Variants in FNDC3B observed in about 807,000 individuals in gnomAD.
The protein encoded by FNDC3B is fibronectin type III domain containing 3B, also known as fibronectin type III domain-containing protein 3B.
FNDC3B carries 12 observed loss-of-function variants against 151.5 expected under a neutral mutation model. That is an observed-to-expected ratio of 0.08 (90% CI 0.05 to 0.13). The LOEUF (loss-of-function observed/expected upper bound fraction) is 0.13, where lower values mean the gene tolerates loss of function less well. FNDC3B is among the 10% of genes least tolerant of loss of function. The probability of loss-of-function intolerance (pLI) is 1.00; values close to 1 mark genes in which losing one functional copy is unlikely to be tolerated. For synonymous variants in FNDC3B, 528 were observed against 549.0 expected, an observed-to-expected ratio of 0.96 and a Z score of 0.54; for missense variants, 1,214 against 1,505.3, an observed-to-expected ratio of 0.81 and a Z score of 3.20.
chr3:172,260,081 A>G (rs1728569859), intron 6 of FNDC3B, among the ~76,000 whole-genome samples: 1 of 152,232 alleles, frequency 6.6e-6, no homozygotes, highest in Non-Finnish European at 1.5e-5. Flanking sequence ...GGAACTGATC[A>G]TGACAGCATT....
At chr3:172,050,733 G>GTGTGTGTGTGTATATA (rs397991660) in intron 1 of FNDC3B, among the ~76,000 whole-genome samples, 4 of 137,932 alleles carry the variant, frequency 2.9e-5, no homozygotes, top group African/African-American at 1.0e-4. Context: ...GTGTGTGTGT[G>GTGTGTGTGTGTATATA]TATAGTGTGT....
At chr3:172,206,185 A>G (rs1725412324) in intron 3 of FNDC3B, among the ~76,000 whole-genome samples, 1 of 152,182 alleles carries the variant, frequency 6.6e-6, no homozygotes, top group Admixed American at 6.5e-5. Context: ...GATGATTTTT[A>G]TAGGAGTAAT....
intron 3 of FNDC3B, among the ~76,000 whole-genome samples, chr3:172,161,976 A>AT (rs35592121): frequency 0.57 from 79,194 of 138,096 alleles, 23,527 homozygotes; most frequent in African/African-American, 0.77. Flanking sequence ...TCTTAGGATA[A>AT]TTTTTTTTTT....
chr3:172,139,745 AC>A (rs1278060425), intron 3 of FNDC3B, among the ~76,000 whole-genome samples: 1 of 150,302 alleles, frequency 6.7e-6, no homozygotes, highest in East Asian at 1.9e-4. Flanking sequence ...TGCCTTGAAA[AC>A]CATTTCTTTT....
intron 10 of FNDC3B, among the ~76,000 whole-genome samples, chr3:172,309,011 A>G (rs1387328722): frequency 1.3e-5 from 2 of 152,226 alleles, no homozygotes; most frequent in Non-Finnish European, 2.9e-5. Context: ...GATGAATTTC[A>G]GGTCTCAGGC....
intron 1 of FNDC3B, among the ~76,000 whole-genome samples, chr3:172,093,109 C>T (rs1718921436): frequency 6.6e-6 from 1 of 152,138 alleles, no homozygotes; most frequent in South Asian, 2.1e-4. Context: ...TGAGCCACTG[C>T]ACCTGGCCAG....
At chr3:172,286,256 T>TC (rs1730013149) in intron 7 of FNDC3B, among the ~76,000 whole-genome samples, 1 of 151,484 alleles carries the variant, frequency 6.6e-6, no homozygotes, top group Non-Finnish European at 1.5e-5. Context: ...TTCTTTTTTT[T>TC]CTCTCTCTTT....
At position 172,344,241 on chromosome 3, in the gene FNDC3B, G is replaced by T; in HGVS notation, c.2233G>T (p.Ala745Ser). 1 of 1,613,856 alleles carries T rather than the reference G, an allele frequency of 6.2e-7. No homozygotes were observed. Among genetic ancestry groups the T allele is most frequent in the South Asian group, 1.1e-5 (1 of 91,064 alleles). ...PGTVYRFRVR[A>S]LNDGGYGPYS... ...AACCGTGTATCGCTTCCGGGTGAGG[G>T]CTCTGAATGATGGAGGGGTGAGTAT... The change falls in exon 19 of 26, where the codon GCT (alanine) becomes TCT (serine). Residue 745 changes from alanine to serine, a missense_variant. Physicochemically the swap from Ala to Ser is moderately conservative, Grantham distance 99. Around this residue, in one of 7 missense-constraint regions of FNDC3B, gnomAD observed 380 missense variants for 420.9 expected, o/e 0.90. Transcript: ENST00000415807.
intron 25 of FNDC3B, among the ~76,000 whole-genome samples, chr3:172,391,097 G>T (rs1735985254): frequency 6.6e-6 from 1 of 152,142 alleles, no homozygotes; most frequent in Non-Finnish European, 1.5e-5. Flanking sequence ...TTTGGAAGTG[G>T]AGTCTCATCT....
rs565130740 is a variant in FNDC3B at position 172,265,923 on chromosome 3, A to T, written c.790+14382A>T. Among the ~76,000 whole-genome samples the T allele has an allele frequency of 3.3e-5, 5 of 152,348 alleles. No individual in the cohort carries two copies. The South Asian group carries it at 1.0e-3, about 32-fold the overall frequency. The stretch of plus-strand genomic sequence containing the variant: ...CAGCATTTCTGAATTATTTTAATGC[A>T]CAAGATGGGAAGAACAATAAGTTAA... On this transcript the variant is annotated intron_variant, in intron 6 of 25. Coordinates refer to ENST00000415807, the MANE Select transcript of FNDC3B (RefSeq NM_022763.4).
At chr3:172,283,065 A>T (rs1050326017) in intron 6 of FNDC3B, among the ~76,000 whole-genome samples, 1 of 152,236 alleles carries the variant, frequency 6.6e-6, no homozygotes, top group Non-Finnish European at 1.5e-5. Flanking sequence ...TGATGCATAG[A>T]TGAGCACGTA....
At chr3:172,286,765 T>C (rs1307776468) in intron 7 of FNDC3B, among the ~76,000 whole-genome samples, 1 of 152,076 alleles carries the variant, frequency 6.6e-6, no homozygotes, top group African/African-American at 2.4e-5. Flanking sequence ...CTTACTCTGG[T>C]GAGGAGCAGG....
chr3:172,354,055 T>C (rs1733976868), intron 22 of FNDC3B, among the ~76,000 whole-genome samples: 1 of 152,140 alleles, frequency 6.6e-6, no homozygotes, highest in Non-Finnish European at 1.5e-5. Context: ...TCATACTTGC[T>C]TTTTCTTTTA....
intron 2 of FNDC3B, among the ~76,000 whole-genome samples, chr3:172,118,757 C>A (rs968355112): frequency 2.6e-5 from 4 of 152,114 alleles, no homozygotes; most frequent in Admixed American, 1.3e-4. Flanking sequence ...TGTGCAAATA[C>A]TTAAATGAAA....
At chr3:172,306,668 C>T (rs1731215352) in intron 9 of FNDC3B, among the ~76,000 whole-genome samples, 1 of 152,176 alleles carries the variant, frequency 6.6e-6, no homozygotes, top group Admixed American at 6.5e-5. Context: ...TATGCTTTTT[C>T]TTCATGGCTT....
chr3:172,091,059 C>G (rs995878134), intron 1 of FNDC3B, among the ~76,000 whole-genome samples: 1 of 152,168 alleles, frequency 6.6e-6, no homozygotes, highest in African/African-American at 2.4e-5. Flanking sequence ...ACCTATATAA[C>G]TACTTTTCAT....
chr3:172,057,475 T>C (rs896458862), intron 1 of FNDC3B, among the ~76,000 whole-genome samples: 2 of 152,178 alleles, frequency 1.3e-5, no homozygotes, highest in African/African-American at 4.8e-5. Flanking sequence ...TAGAGGTACC[T>C]AAACCTCACC....
At chr3:172,289,842 T>A (rs1338654145) in intron 7 of FNDC3B, among the ~76,000 whole-genome samples, 2 of 152,252 alleles carry the variant, frequency 1.3e-5, no homozygotes, top group Non-Finnish European at 2.9e-5. Context: ...TTGCATTGGC[T>A]GTTACCTGTC....
At position 172,191,409 on chromosome 3, in the gene FNDC3B, A is replaced by C. The variant is rs561566928; in HGVS notation, c.188-35462A>C. Among the ~76,000 whole-genome samples, 3 of 152,300 alleles carry C rather than the reference A, an allele frequency of 2.0e-5. No homozygotes were observed. In the South Asian group the frequency reaches 6.2e-4, roughly 32 times the overall value. On this transcript the variant is annotated intron_variant, in intron 3 of 25. Coordinates refer to ENST00000415807, the MANE Select transcript of FNDC3B (RefSeq NM_022763.4). ...TGATACCATCATTATTGTCCTCCTC[A>C]TCATCATTCCCCATTCTAGAGACAG...
Sources: gnomAD v4.1 joint callset for allele counts (sites outside exome capture counted in the v4.1 genomes callset) on GRCh38, gnomAD v4.1.1 for gene constraint, gnomAD v4.1.1 regional missense constraint, MANE v1.5 for transcripts, NCBI Gene and HGNC (gene_info 2026-07-23, HGNC 2026-07-21) for gene names.